DAB1: variants seen among roughly 807,000 people sequenced by gnomAD.
DAB1 encodes disabled homolog 1.
A neutral mutation model predicts 64.6 loss-of-function variants in DAB1; 15 were observed. The ratio of observed to expected loss-of-function variants is 0.23; its 90% CI spans 0.16 to 0.36. The LOEUF is 0.36. DAB1 is among the 10% of genes least tolerant of loss of function. The pLI, the probability that DAB1 is intolerant of heterozygous loss-of-function variation, is 1.00. For missense variants in DAB1, 596 were observed against 706.7 expected (o/e 0.84, Z 1.78); for synonymous variants, 235 against 251.9 (o/e 0.93, Z 0.64).
Position 57,306,791 on chromosome 1 carries a change from C to T in DAB1, c.-136-15625G>A, listed in dbSNP as rs138761868. On this transcript the variant is annotated intron_variant, in intron 1 of 14. Transcript: ENST00000371236. ...GATGAAGTATTACTAATAATAAAAA[C>T]AATAAAATAATTAATGATACGACCA... 3.5e-3 allele frequency: 540 copies of T among 152,204 alleles called. 2 individuals carry two copies. The highest frequency in any genetic ancestry group is 0.012 in the African/African-American group (517 of 41,534). 9.4% of individuals were successfully genotyped at this position (152,204 alleles called of 1,614,324 possible). A position where few individuals can be genotyped will look rare whatever the true frequency, so the allele number is the denominator to read the frequency against.
chr1:58,017,242 T>C (rs1186769030), intron 5 of DAB1, among the ~76,000 whole-genome samples: 1 of 151,874 alleles, frequency 6.6e-6, no homozygotes, highest in East Asian at 1.9e-4. Context: ...AAAAAGCCCA[T>C]GACAAACTTC....
At chr1:58,189,221 T>G (rs966056764) in intron 4 of DAB1, among the ~76,000 whole-genome samples, 3 of 152,246 alleles carry the variant, frequency 2.0e-5, no homozygotes, top group African/African-American at 7.2e-5. Flanking sequence ...CTGTGAATGT[T>G]ACTGAAAGCA....
intron 7 of DAB1, among the ~76,000 whole-genome samples, chr1:57,598,712 CAG>C (rs1395539420): frequency 6.6e-6 from 1 of 152,118 alleles, no homozygotes; most frequent in Non-Finnish European, 1.5e-5. Context: ...GCATGGCAAT[CAG>C]AGAAAGCTTC....
chr1:58,157,879 A>T (rs901057444), intron 4 of DAB1, among the ~76,000 whole-genome samples: 4 of 152,220 alleles, frequency 2.6e-5, no homozygotes, highest in Non-Finnish European at 5.9e-5. Context: ...ATTATGAGCT[A>T]ACACTTATGG....
intron 10 of DAB1, among the ~76,000 whole-genome samples, chr1:57,024,876 C>T (rs1436472542): frequency 6.6e-6 from 1 of 152,230 alleles, no homozygotes; most frequent in East Asian, 1.9e-4. Flanking sequence ...CATCCAGCTT[C>T]TTTGGGGACA....
chr1:57,428,046 T>C (rs1223506235), upstream of DAB1, among the ~76,000 whole-genome samples: 1 of 152,030 alleles, frequency 6.6e-6, no homozygotes, highest in Non-Finnish European at 1.5e-5. Flanking sequence ...CTCATGCCTG[T>C]AATCCCAGCT....
At chr1:57,271,169 C>T (rs1159953126) in intron 2 of DAB1, among the ~76,000 whole-genome samples, 1 of 152,156 alleles carries the variant, frequency 6.6e-6, no homozygotes, top group Non-Finnish European at 1.5e-5. Context: ...CTCATTAAGT[C>T]CCCCAAGTTT....
rs114665550 is a variant in DAB1, at chr1:57,559,482, T to C, written n.625+90110A>G. Among the ~76,000 whole-genome samples the C allele has an allele frequency of 6.6e-3, 1,003 of 152,264 alleles. 14 individuals are homozygous for C. The highest frequency in any genetic ancestry group is 0.023 in the African/African-American group (953 of 41,540). ...GCCTTTTAACCAGGGTAACTGTGCA[T>C]TGGGGAAAAGGAGACGATCAGACAT... On this transcript the variant is annotated intron_variant and non_coding_transcript_variant, in intron 7 of 20. Transcript: ENST00000485760.
intron 2 of DAB1, among the ~76,000 whole-genome samples, chr1:57,289,581 T>C (rs1672602082): frequency 6.6e-6 from 1 of 152,228 alleles, no homozygotes; most frequent in South Asian, 2.1e-4. Flanking sequence ...TTTATAGTCC[T>C]TCCTGGGCTT....
At chr1:58,112,200 C>T (rs1031023079) in intron 5 of DAB1, among the ~76,000 whole-genome samples, 2 of 152,298 alleles carry the variant, frequency 1.3e-5, no homozygotes, top group East Asian at 3.9e-4. Context: ...CCAATCCCCA[C>T]TCACCCTTTT....
chr1:57,610,951 AC>A (rs1006581088), intron 7 of DAB1, among the ~76,000 whole-genome samples: 3 of 152,054 alleles, frequency 2.0e-5, no homozygotes, highest in African/African-American at 7.2e-5. Flanking sequence ...TTAACTTTGC[AC>A]CCAGGGTTCT....
chr1:57,805,345 G>C (rs1173463824), intron 6 of DAB1, among the ~76,000 whole-genome samples: 1 of 152,122 alleles, frequency 6.6e-6, no homozygotes, highest in African/African-American at 2.4e-5. Context: ...TATTCACCAA[G>C]GTTTCACTAA....
At position 58,427,997 on chromosome 1, in the gene DAB1, G is replaced by A. The variant is rs72916015; in HGVS notation, n.257+78063C>T. On this transcript the variant is annotated intron_variant and non_coding_transcript_variant, in intron 3 of 20. Transcript: ENST00000485760. Reference sequence around the variant, plus strand: ...AAAAATATATCATTGGTCCCTTTGAGGATGCTAAAGAATAAACTCATTATT... The same window carrying A: ...AAAAATATATCATTGGTCCCTTTGAAGATGCTAAAGAATAAACTCATTATT... Among the ~76,000 whole-genome samples, 849 of 152,182 alleles carry A rather than the reference G, an allele frequency of 5.6e-3. 11 individuals are homozygous for A. Among genetic ancestry groups the A allele is most frequent in the African/African-American group, 0.02 (822 of 41,490 alleles).
At chr1:57,330,602 T>C (rs572428198) in intron 1 of DAB1, among the ~76,000 whole-genome samples, 20 of 152,292 alleles carry the variant, frequency 1.3e-4, no homozygotes, top group Non-Finnish European at 2.8e-4. Context: ...AAATAAAATT[T>C]AGGATTCTTG....
chr1:57,005,442 G>A (rs962274149), intron 14 of DAB1, among the ~76,000 whole-genome samples: 2 of 152,106 alleles, frequency 1.3e-5, no homozygotes, highest in African/African-American at 4.8e-5. Flanking sequence ...CGTATTTTAG[G>A]GATTTCTGTC....
intron 1 of DAB1, among the ~76,000 whole-genome samples, chr1:57,371,680 G>T (rs1425242626): frequency 6.6e-6 from 1 of 152,184 alleles, no homozygotes; most frequent in African/African-American, 2.4e-5. Context: ...ACAAGTATTT[G>T]TAGTGCTCAG....
At chr1:57,319,746 C>T (rs1675537547) in intron 1 of DAB1, among the ~76,000 whole-genome samples, 1 of 151,684 alleles carries the variant, frequency 6.6e-6, no homozygotes, top group African/African-American at 2.4e-5. Context: ...TGGCAAAATA[C>T]GAATAAACAG....
chr1:57,331,942 A>C (rs763369137), intron 1 of DAB1, among the ~76,000 whole-genome samples: 1 of 152,030 alleles, frequency 6.6e-6, no homozygotes, highest in Non-Finnish European at 1.5e-5. Context: ...GCTTGCTCTT[A>C]CTCTAAGAGT....
At chr1:57,652,374 C>T (rs1317015870) in intron 6 of DAB1, among the ~76,000 whole-genome samples, 2 of 152,122 alleles carry the variant, frequency 1.3e-5, no homozygotes, top group Admixed American at 1.3e-4. Context: ...TATCCACTCC[C>T]ACCCCTTCCC....
Sources: allele counts gnomAD v4.1 joint callset (sites outside exome capture counted in the v4.1 genomes callset), GRCh38; gene constraint gnomAD v4.1.1; transcripts MANE v1.5; gene names NCBI Gene and HGNC (gene_info 2026-07-23, HGNC 2026-07-21).